The following LDB2 variants were observed in gnomAD, a reference collection of about 807,000 sequenced individuals.
The protein encoded by LDB2 is LIM domain-binding protein 2.
LDB2 carries 12 observed loss-of-function variants against 44.3 expected under a neutral mutation model. The observed-to-expected ratio is 0.27, with a 90% CI of 0.17 to 0.44. The LOEUF is 0.44. LDB2 is among the 20% of genes least tolerant of loss of function. The pLI, the probability that LDB2 is intolerant of heterozygous loss-of-function variation, is 1.00. For synonymous variants in LDB2, 164 were observed against 174.8 expected, an observed-to-expected ratio of 0.94 and a Z score of 0.49; for missense variants, 344 against 473.5, an observed-to-expected ratio of 0.73 and a Z score of 2.54.
chr4:16,708,079 C>G (rs763029626), intron 2 of LDB2, among the ~76,000 whole-genome samples: 11 of 152,130 alleles, frequency 7.2e-5, no homozygotes, highest in Non-Finnish European at 1.3e-4. Flanking sequence ...AAACTCCATT[C>G]TTTTAACAGT....
Position 16,501,606 on chromosome 4 carries a change from T to C in LDB2, c.*1037A>G, listed in dbSNP as rs1717551028. ...TAAAGCATACATAAAATACAGCTGT[T>C]TTTTAACACACGGAGCCACTGTGCC... On this transcript the variant is annotated 3_prime_UTR_variant, in exon 8 of 8. Coordinates refer to ENST00000304523, the MANE Select transcript of LDB2 (RefSeq NM_001290.5). 6.6e-6 allele frequency: 1 copy of C among 152,636 alleles called. No individual in the cohort carries two copies. Among genetic ancestry groups the C allele is most frequent in the Admixed American group, 6.5e-5 (1 of 15,280 alleles). 9.5% of individuals were successfully genotyped at this position (152,636 alleles called of 1,614,324 possible). A position where few individuals can be genotyped will look rare whatever the true frequency, so the allele number is the denominator to read the frequency against.
At chr4:16,861,970 C>G (rs997956700) in intron 1 of LDB2, among the ~76,000 whole-genome samples, 1 of 152,220 alleles carries the variant, frequency 6.6e-6, no homozygotes, top group African/African-American at 2.4e-5. Context: ...TGACCTCAGT[C>G]AAGTTACCCA....
intron 1 of LDB2, among the ~76,000 whole-genome samples, chr4:16,811,999 C>G (rs1019848831): frequency 6.6e-6 from 1 of 152,192 alleles, no homozygotes; most frequent in Non-Finnish European, 1.5e-5. Flanking sequence ...AAATCTTTAT[C>G]TCTATTTGGC....
At chr4:16,888,448 T>C (rs1457349465) in intron 1 of LDB2, among the ~76,000 whole-genome samples, 1 of 152,204 alleles carries the variant, frequency 6.6e-6, no homozygotes, top group East Asian at 1.9e-4. Context: ...TTGTGACTAC[T>C]CTGCCATTCC....
intron 1 of LDB2, among the ~76,000 whole-genome samples, chr4:16,784,319 T>C (rs1261854431): frequency 6.6e-6 from 1 of 152,204 alleles, no homozygotes; most frequent in Admixed American, 6.5e-5. Context: ...ATTCTGCTTC[T>C]GTAGTAGGAA....
chr4:16,546,386 G>A (rs1735749764), intron 5 of LDB2, among the ~76,000 whole-genome samples: 1 of 152,150 alleles, frequency 6.6e-6, no homozygotes, highest in South Asian at 2.1e-4. Context: ...AAGTCAAAAT[G>A]TTGTCATTTA....
In LDB2 at chr4:16,870,665, C is replaced by G. The variant is rs149152934; in HGVS notation, c.132+27689G>C. Among the ~76,000 whole-genome samples the G allele has an allele frequency of 5.9e-5, 9 of 151,446 alleles. No homozygotes were observed. The East Asian group carries it at 1.6e-3, about 27-fold the overall frequency. On this transcript the variant is annotated intron_variant, in intron 1 of 7. Transcript: ENST00000304523. Reference sequence around the variant, plus strand: ...TTTATTTATTTTAGATGGAGTCTCGCTCTTGTCACCCAGGCTGGAGTGCAG... The same window carrying G: ...TTTATTTATTTTAGATGGAGTCTCGGTCTTGTCACCCAGGCTGGAGTGCAG...
chr4:16,869,305 T>TA (rs33934693), intron 1 of LDB2, among the ~76,000 whole-genome samples: 48,222 of 138,844 alleles, frequency 0.35, 7,777 homozygotes, highest in African/African-American at 0.37. Context: ...GCAAAAGTCA[T>TA]AAAAAAAAAA....
intron 1 of LDB2, among the ~76,000 whole-genome samples, chr4:16,772,127 T>C (rs1579519867): frequency 6.6e-6 from 1 of 152,162 alleles, no homozygotes; most frequent in African/African-American, 2.4e-5. Context: ...TGGATGCCTT[T>C]CCTCTCTTTG....
In LDB2 at chr4:16,582,327, C is replaced by T. The variant is rs1214449575; in HGVS notation, c.615+3595G>A. 6.6e-6 allele frequency among the ~76,000 whole-genome samples: 1 copy of T among 152,214 alleles called. No homozygotes were observed. The highest frequency in any genetic ancestry group is 1.5e-5 in the Non-Finnish European group (1 of 68,036). ...CTGACAAGGCTCCACAGCCAGGTCT[C>T]ATTGACCCGGATGGCCCAATGCGCA... On this transcript the variant is annotated intron_variant, in intron 5 of 7. Coordinates refer to ENST00000304523, the MANE Select transcript of LDB2 (RefSeq NM_001290.5). The surrounding 1 kb of genome is among the most constrained non-coding windows in gnomAD (Gnocchi z 4.8).
At chr4:16,859,456 A>G (rs1162082993) in intron 1 of LDB2, among the ~76,000 whole-genome samples, 2 of 152,220 alleles carry the variant, frequency 1.3e-5, no homozygotes, top group East Asian at 3.8e-4. Flanking sequence ...AGCTGCTACA[A>G]TACCCCATTT....
intron 2 of LDB2, among the ~76,000 whole-genome samples, chr4:16,617,773 A>G (rs1727738200): frequency 6.6e-6 from 1 of 152,212 alleles, no homozygotes; most frequent in Non-Finnish European, 1.5e-5. Flanking sequence ...AAACTAATAT[A>G]TGCAGCTTAC....
chr4:16,691,533 C>G (rs1231794224), intron 2 of LDB2, among the ~76,000 whole-genome samples: 1 of 152,152 alleles, frequency 6.6e-6, no homozygotes, highest in Non-Finnish European at 1.5e-5. Flanking sequence ...GAACCCAGGA[C>G]AGAGAGAAGG....
chr4:16,861,042 A>G (rs2110259739), intron 1 of LDB2, among the ~76,000 whole-genome samples: 1 of 152,344 alleles, frequency 6.6e-6, no homozygotes, highest in East Asian at 1.9e-4. Flanking sequence ...AGGCTTCATT[A>G]GGGTATGGAG....
rs33934693 is a variant in LDB2, at chr4:16,869,305, TA to T, written c.132+29048del. ...TTCTAGTACACAAATGCAAAAGTCA[TA>T]AAAAAAAAAAAAACTCAGAAATGCT... On this transcript the variant is annotated intron_variant, in intron 1 of 7. Transcript: ENST00000304523. Among the ~76,000 whole-genome samples the T allele has an allele frequency of 3.6e-3, 499 of 139,082 alleles. 2 individuals are homozygous for T. Among genetic ancestry groups the T allele is most frequent in the African/African-American group, 9.8e-3 (377 of 38,452 alleles). The allele number at this position is 139,082 out of a possible 152,430, so 91.2% of individuals were successfully genotyped here. A position where few individuals can be genotyped will look rare whatever the true frequency, so the allele number is the denominator to read the frequency against.
intron 5 of LDB2, among the ~76,000 whole-genome samples, chr4:16,553,384 ACTC>A (rs1391460803): frequency 6.7e-6 from 1 of 149,914 alleles, no homozygotes; most frequent in Admixed American, 6.6e-5. Flanking sequence ...CTTGTCTTGA[ACTC>A]CTGGCCTCAA....
chr4:16,562,953 A>C (rs1366094824), intron 5 of LDB2, among the ~76,000 whole-genome samples: 3 of 151,472 alleles, frequency 2.0e-5, no homozygotes, highest in Admixed American at 6.6e-5. Flanking sequence ...ATTCTCAGTA[A>C]ACTATCGCAA....
intron 4 of LDB2, 79 bp downstream of exon 4, chr4:16,588,631 A>G: frequency 1.4e-6 from 2 of 1,418,314 alleles, no homozygotes; most frequent in South Asian, 2.6e-5. Context: ...TCACAGAGAG[A>G]GGACTGGGTT....
intron 2 of LDB2, among the ~76,000 whole-genome samples, chr4:16,722,153 AC>A (rs1451140742): frequency 6.6e-6 from 1 of 152,148 alleles, no homozygotes; most frequent in Non-Finnish European, 1.5e-5. Flanking sequence ...AGCAGCTACT[AC>A]TTCATGAAAG....
Sources: allele counts gnomAD v4.1 joint callset (sites outside exome capture counted in the v4.1 genomes callset), GRCh38; gene constraint gnomAD v4.1.1; non-coding constraint Gnocchi (gnomAD v3.1); transcripts MANE v1.5; gene names NCBI Gene and HGNC (gene_info 2026-07-23, HGNC 2026-07-21).